The following FGD5 variants were observed in gnomAD, a reference collection of about 807,000 sequenced individuals.
FGD5 encodes FYVE, RhoGEF and PH domain-containing protein 5.
Under a neutral mutation model 133.4 loss-of-function variants are expected in FGD5, and 28 were observed. The observed-to-expected ratio is 0.21, with a 90% CI of 0.16 to 0.29. FGD5 has a LOEUF of 0.29. FGD5 is among the 10% of genes least tolerant of loss of function. The pLI, the probability that FGD5 is intolerant of heterozygous loss-of-function variation, is 1.00. For missense variants in FGD5, 1,858 were observed against 1,895.2 expected (o/e 0.98, Z 0.36); for synonymous variants, 810 against 776.5 (o/e 1.04, Z -0.72).
intron 2 of FGD5, among the ~76,000 whole-genome samples, chr3:14,873,552 T>C (rs2037651395): frequency 6.6e-6 from 1 of 152,128 alleles, no homozygotes; most frequent in South Asian, 2.1e-4. Flanking sequence ...TGGGGAGGGC[T>C]GTGTCTTGTT....
At chr3:14,839,959 AACAAACAG>A (rs1265546649) in intron 1 of FGD5, among the ~76,000 whole-genome samples, 16 of 150,810 alleles carry the variant, frequency 1.1e-4, no homozygotes, top group Admixed American at 2.6e-4. Flanking sequence ...CAAACAAACA[AACAAACAG>A]TGTTTTACAA....
intron 16 of FGD5, chr3:14,923,473 G>T: frequency 2.5e-6 from 1 of 407,138 alleles, no homozygotes; most frequent in Non-Finnish European, 4.6e-6. Context: ...AGGCCCTCTT[G>T]TCAAGTATCC....
chr3:14,871,700 G>T (rs1208046845), intron 2 of FGD5, among the ~76,000 whole-genome samples: 1 of 152,180 alleles, frequency 6.6e-6, no homozygotes, highest in South Asian at 2.1e-4. Flanking sequence ...AGGTCCTTGG[G>T]GGGCTTGAAG....
At chr3:14,925,329 T>C (rs1348236500) in intron 17 of FGD5, among the ~76,000 whole-genome samples, 2 of 152,198 alleles carry the variant, frequency 1.3e-5, no homozygotes, top group African/African-American at 2.4e-5. Context: ...CAACATATTA[T>C]ACAGAATCTC....
chr3:14,852,930 C>A (rs566201912), intron 1 of FGD5, among the ~76,000 whole-genome samples: 1 of 152,276 alleles, frequency 6.6e-6, no homozygotes, highest in Admixed American at 6.5e-5. Flanking sequence ...TCTCAGCACA[C>A]AGTTTCATAT....
At chr3:14,846,429 G>T (rs1054553881) in intron 1 of FGD5, among the ~76,000 whole-genome samples, 2 of 152,240 alleles carry the variant, frequency 1.3e-5, no homozygotes, top group Non-Finnish European at 2.9e-5. Flanking sequence ...CATGTGGGGA[G>T]AAGGCTGTGC....
At position 14,912,992 on chromosome 3, in the gene FGD5, C is replaced by T. The variant is rs1007125274; in HGVS notation, c.3405+2063C>T. Reference sequence around the variant, plus strand: ...TGGGGGTTGCAGTGAGCTCAGATTGCGCCATTACACTCCAGCCTGGGCGAC... The same window carrying T: ...TGGGGGTTGCAGTGAGCTCAGATTGTGCCATTACACTCCAGCCTGGGCGAC... On this transcript the variant is annotated intron_variant, in intron 11 of 19. Transcript: ENST00000285046. Among the ~76,000 whole-genome samples the T allele has an allele frequency of 5.3e-5, 8 of 152,004 alleles. No homozygotes were observed. The East Asian group carries it at 9.7e-4, about 18-fold the overall frequency.
At chr3:14,832,958 A>G (rs977174917) in intron 1 of FGD5, among the ~76,000 whole-genome samples, 10 of 152,338 alleles carry the variant, frequency 6.6e-5, no homozygotes, top group South Asian at 2.1e-4. Flanking sequence ...TTGCCTGGCT[A>G]TGCTCGGGAT....
chr3:14,920,359 T>C (rs1489251679), intron 13 of FGD5: 1 of 152,046 alleles, frequency 6.6e-6, no homozygotes, highest in Non-Finnish European at 1.5e-5. Flanking sequence ...CATTTTCTCA[T>C]TAAAATCATT....
intron 4 of FGD5, 127 bp from the exon 5 acceptor site, chr3:14,897,382 C>A: frequency 9.1e-7 from 1 of 1,097,838 alleles, no homozygotes; most frequent in Non-Finnish European, 1.3e-6. Context: ...GGTCTGGAGA[C>A]ACTGGCTTAA....
intron 2 of FGD5, among the ~76,000 whole-genome samples, chr3:14,868,688 C>T (rs539913835): frequency 5.9e-5 from 9 of 152,358 alleles, no homozygotes; most frequent in South Asian, 4.1e-4. Flanking sequence ...AAACAATACT[C>T]ATCTCCTAGT....
upstream of FGD5, among the ~76,000 whole-genome samples, chr3:14,816,973 G>A (rs1419691304): frequency 6.6e-6 from 1 of 152,168 alleles, no homozygotes; most frequent in Admixed American, 6.5e-5. Flanking sequence ...TTAGAGCTGT[G>A]CTGGACAGTA....
Position 14,819,523 on chromosome 3 carries a change from C to A in FGD5, c.452C>A (p.Ala151Asp). 6 of 1,551,440 alleles carry A rather than the reference C, an allele frequency of 3.9e-6. No homozygotes were observed. Among genetic ancestry groups the A allele is most frequent in the Non-Finnish European group, 5.2e-6 (6 of 1,146,978 alleles). The change falls in exon 1 of 20, where the codon GCT becomes GAT. Residue 151 changes from alanine (A) to aspartate (D), a missense_variant. Around this residue, in one of 3 missense-constraint regions of FGD5, gnomAD observed 1,824 missense variants for 1,848.9 expected, o/e 0.99. Transcript: ENST00000285046. This position sits in a 1 kb window ranked among gnomAD's most constrained non-coding sequence, Gnocchi z 4.1. ...LALEDEGEGC[A>D]DEPGTLEQVS... ...CTTGAGGATGAAGGGGAGGGCTGCG[C>A]TGATGAGCCAGGGACACTGGAGCAG... is the stretch of plus-strand genomic sequence containing the variant.
intron 2 of FGD5, among the ~76,000 whole-genome samples, chr3:14,868,679 A>G (rs2125108127): frequency 6.6e-6 from 1 of 152,304 alleles, no homozygotes; most frequent in Admixed American, 6.5e-5. Context: ...ACTCCCAGAA[A>G]ACAATACTCA....
chr3:14,847,818 G>A (rs146196676), intron 1 of FGD5, among the ~76,000 whole-genome samples: 1 of 152,328 alleles, frequency 6.6e-6, no homozygotes, highest in Non-Finnish European at 1.5e-5. Context: ...GTGTAGAGAT[G>A]AGCAAGTCAT....
At chr3:14,910,959 G>A (rs1259683006) in intron 11 of FGD5, 30 bp downstream of exon 11, 2 of 1,599,858 alleles carry the variant, frequency 1.3e-6, no homozygotes, top group African/African-American at 2.7e-5. Context: ...GCCCAGCTCA[G>A]GAACTGCCAA....
At chr3:14,894,463 A>G (rs2038093645) in intron 4 of FGD5, among the ~76,000 whole-genome samples, 1 of 151,096 alleles carries the variant, frequency 6.6e-6, no homozygotes, top group South Asian at 2.1e-4. Flanking sequence ...CTTTCTTTTA[A>G]ATATCTACTC....
intron 9 of FGD5, among the ~76,000 whole-genome samples, chr3:14,901,793 A>G (rs578078815): frequency 5.3e-5 from 8 of 152,170 alleles, no homozygotes; most frequent in Admixed American, 2.0e-4. Flanking sequence ...GAGGAAGGGA[A>G]ATTGCATTTA....
At chr3:14,817,217 C>T (rs1012030845), upstream of FGD5, among the ~76,000 whole-genome samples, 3 of 151,802 alleles carry the variant, frequency 2.0e-5, no homozygotes, top group East Asian at 1.9e-4. Context: ...TTTTTTGAGA[C>T]GGAGTTTTGC....
Sources: gnomAD v4.1 joint callset for allele counts (sites outside exome capture counted in the v4.1 genomes callset) on GRCh38, gnomAD v4.1.1 for gene constraint, gnomAD v4.1.1 regional missense constraint, Gnocchi (gnomAD v3.1) non-coding constraint, MANE v1.5 for transcripts, NCBI Gene and HGNC (gene_info 2026-07-23, HGNC 2026-07-21) for gene names.